Variants in GUCY2C observed in about 807,000 individuals in gnomAD.
GUCY2C encodes guanylate cyclase 2C, also known as guanylyl cyclase C.
A neutral mutation model predicts 131.1 loss-of-function variants in GUCY2C; 118 were observed. The ratio of observed to expected loss-of-function variants is 0.90; its 90% CI spans 0.78 to 1.05. GUCY2C has a LOEUF of 1.05. Among genes scored for constraint, GUCY2C ranks in the 50% least tolerant of loss-of-function variants. The probability of loss-of-function intolerance (pLI) is 0.00; values close to 1 mark genes in which losing one functional copy is unlikely to be tolerated. For synonymous variants in GUCY2C, 452 were observed against 457.8 expected, an observed-to-expected ratio of 0.99 and a Z score of 0.16; for missense variants, 1,161 against 1,304.4, an observed-to-expected ratio of 0.89 and a Z score of 1.69.
At chr12:14,639,527 G>A (rs1183643812) in intron 19 of GUCY2C, among the ~76,000 whole-genome samples, 1 of 152,138 alleles carries the variant, frequency 6.6e-6, no homozygotes, top group African/African-American at 2.4e-5. Context: ...TGATTATTCT[G>A]TATTTTCTGG....
rs754308716 is a variant in GUCY2C at position 14,616,641 on chromosome 12, A to T, written c.2962T>A (p.Tyr988Asn). Residue 988 changes from tyrosine to asparagine, a missense_variant, in exon 25 of 27, where the codon TAC becomes AAC. Tyr to Asn is a moderately radical substitution (Grantham distance 143). Transcript: ENST00000261170. ...QFLYEVRGETYLKGRGNETTY... is the reference protein window; with the variant it reads ...QFLYEVRGETNLKGRGNETTY... ...CTCTGTGGACTCCTTACCTTTAAGT[A>T]TGTTTCTCCTCTCACTTCATAAAGG... 1 of 1,567,042 alleles carries T rather than the reference A, an allele frequency of 6.4e-7. No individual in the cohort carries two copies. Among genetic ancestry groups the T allele is most frequent in the Non-Finnish European group, 8.8e-7 (1 of 1,137,300 alleles).
intron 19 of GUCY2C, among the ~76,000 whole-genome samples, chr12:14,634,267 G>A (rs891329079): frequency 2.0e-5 from 3 of 152,172 alleles, no homozygotes; most frequent in Non-Finnish European, 4.4e-5. Context: ...TTCCAGTTAA[G>A]GATACTATAT....
chr12:14,623,204 C>T (rs1946929756), intron 21 of GUCY2C, among the ~76,000 whole-genome samples: 1 of 152,184 alleles, frequency 6.6e-6, no homozygotes, highest in Admixed American at 6.5e-5. Flanking sequence ...TCAGTCCCAC[C>T]CATCAGTCTT....
intron 10 of GUCY2C, among the ~76,000 whole-genome samples, chr12:14,663,228 C>T (rs1947904571): frequency 6.6e-6 from 1 of 152,198 alleles, no homozygotes; most frequent in African/African-American, 2.4e-5. Context: ...CAGGTGCATT[C>T]ACTTTCCATT....
intron 19 of GUCY2C, among the ~76,000 whole-genome samples, chr12:14,631,385 C>T (rs552549000): frequency 6.8e-6 from 1 of 146,160 alleles, no homozygotes; most frequent in African/African-American, 2.6e-5. Context: ...TCCCCCCTCC[C>T]CCTACCCCAT....
At chr12:14,662,184 G>A (rs749495559) in intron 10 of GUCY2C, among the ~76,000 whole-genome samples, 12 of 152,050 alleles carry the variant, frequency 7.9e-5, no homozygotes, top group Non-Finnish European at 1.5e-4. Context: ...GGAGTATGGT[G>A]AAGAAGACAT....
At chr12:14,665,774 G>C (rs764592600) in intron 10 of GUCY2C, 2 of 152,150 alleles carry the variant, frequency 1.3e-5, no homozygotes, top group Non-Finnish European at 2.9e-5. Context: ...GTAATCTCTT[G>C]GTGAAATGTT....
rs1368077375 is a variant in GUCY2C, at chr12:14,691,946, C to T, written c.218-3883G>A. Among the ~76,000 whole-genome samples the T allele has an allele frequency of 2.0e-5, 3 of 152,068 alleles. No individual in the cohort carries two copies. The East Asian group carries it at 5.8e-4, about 29-fold the overall frequency. On this transcript the variant is annotated intron_variant, in intron 1 of 26. Transcript: ENST00000261170. ...TCCTTCAAGGTAATATTTTGTCATCCTCATTTAAACATGAGAAAATGGAGG... is the reference window on the plus strand; with the variant it reads ...TCCTTCAAGGTAATATTTTGTCATCTTCATTTAAACATGAGAAAATGGAGG...
At chr12:14,632,086 C>T (rs1947157761) in intron 19 of GUCY2C, among the ~76,000 whole-genome samples, 1 of 151,878 alleles carries the variant, frequency 6.6e-6, no homozygotes. Context: ...TTGTTTTTTT[C>T]TTGTAAATTT....
rs1472220299 is a variant in GUCY2C, at chr12:14,643,580, T to C, written c.1924A>G (p.Lys642Glu). ...DFGCNSILPP[K>E]KDLWTAPEHL... ...CATTTCATTCATTACAGACCCTTTT[T>C]TGGAGGTAAAATGGAATTGCAGCCA... The change falls in exon 17 of 27, where the codon AAA (lysine) becomes GAA (glutamate). Residue 642 changes from lysine to glutamate, a missense_variant. By Grantham distance (56) the Lys-to-Glu change is moderately conservative. Coordinates refer to ENST00000261170, the MANE Select transcript of GUCY2C (RefSeq NM_004963.4). 5.0e-6 allele frequency: 8 copies of C among 1,613,850 alleles called. No individual in the cohort carries two copies. The highest frequency in any genetic ancestry group is 3.3e-4 in the Middle Eastern group (2 of 6,082).
chr12:14,620,797 G>C (rs576091260), intron 23 of GUCY2C, among the ~76,000 whole-genome samples: 1 of 152,064 alleles, frequency 6.6e-6, no homozygotes, highest in Admixed American at 6.6e-5. Flanking sequence ...TCTTGTTTTC[G>C]TACATGTTTG....
chr12:14,628,479 C>T (rs562060122), intron 20 of GUCY2C, among the ~76,000 whole-genome samples, 167 bp downstream of exon 20: 4 of 152,180 alleles, frequency 2.6e-5, no homozygotes, highest in East Asian at 1.9e-4. Flanking sequence ...CCTGGGAAAA[C>T]GGTCTAATAG....
intron 19 of GUCY2C, among the ~76,000 whole-genome samples, chr12:14,633,330 A>G (rs1415522028): frequency 6.6e-6 from 1 of 152,188 alleles, no homozygotes; most frequent in Non-Finnish European, 1.5e-5. Flanking sequence ...TAAATTATGT[A>G]GAGACTACAC....
chr12:14,655,416 G>A (rs969634132), intron 12 of GUCY2C, among the ~76,000 whole-genome samples: 3 of 152,190 alleles, frequency 2.0e-5, no homozygotes, highest in African/African-American at 7.2e-5. Context: ...TCACATTGGA[G>A]CATGTCATAT....
intron 12 of GUCY2C, among the ~76,000 whole-genome samples, chr12:14,655,944 CT>C (rs1211393472): frequency 6.6e-6 from 1 of 152,132 alleles, no homozygotes; most frequent in African/African-American, 2.4e-5. Context: ...GTTTCTTAAT[CT>C]TTTGTCCTTC....
intron 10 of GUCY2C, among the ~76,000 whole-genome samples, chr12:14,667,999 C>CTTTTT (rs11355096): frequency 1.6e-4 from 12 of 76,496 alleles, no homozygotes; most frequent in African/African-American, 1.9e-4. Flanking sequence ...TAATAATTTT[C>CTTTTT]TTTTTTTTTT....
At chr12:14,627,385 A>T (rs1947043132) in intron 20 of GUCY2C, among the ~76,000 whole-genome samples, 1 of 152,150 alleles carries the variant, frequency 6.6e-6, no homozygotes, top group African/African-American at 2.4e-5. Context: ...CAAGTTCCCC[A>T]GGGAATTTTT....
chr12:14,686,397 T>C (rs970956141), intron 2 of GUCY2C, among the ~76,000 whole-genome samples, 172 bp from the exon 3 acceptor site: 9 of 152,132 alleles, frequency 5.9e-5, no homozygotes, highest in Non-Finnish European at 8.8e-5. Context: ...AACTGAGGCA[T>C]GGAGAGGTTC....
chr12:14,642,555 G>A (rs1040645664), intron 17 of GUCY2C, among the ~76,000 whole-genome samples: 27 of 152,160 alleles, frequency 1.8e-4, no homozygotes, highest in African/African-American at 6.0e-4. Context: ...TTTGTGAATT[G>A]TGATTCATGC....
Sources: allele counts gnomAD v4.1 joint callset (sites outside exome capture counted in the v4.1 genomes callset), GRCh38; gene constraint gnomAD v4.1.1; transcripts MANE v1.5; gene names NCBI Gene and HGNC (gene_info 2026-07-23, HGNC 2026-07-21).